TMCO4: variants seen among roughly 807,000 people sequenced by gnomAD.
TMCO4 encodes the protein transmembrane and coiled-coil domain-containing protein 4.
TMCO4 carries 58 observed loss-of-function variants against 64.7 expected under a neutral mutation model. The observed-to-expected ratio is 0.90, with a 90% CI of 0.73 to 1.12. The LOEUF (loss-of-function observed/expected upper bound fraction) is 1.12, where lower values mean the gene tolerates loss of function less well. Ranked by LOEUF, TMCO4 falls within the 50% of genes most tolerant of loss-of-function variation. The probability of loss-of-function intolerance (pLI) is 0.00; values close to 1 mark genes in which losing one functional copy is unlikely to be tolerated. For missense variants in TMCO4, 780 were observed against 825.9 expected (o/e 0.94, Z 0.68); for synonymous variants, 325 against 346.1 (o/e 0.94, Z 0.68).
rs571702318 is a variant in TMCO4, at chr1:19,703,428, T to C, written c.1265-2543A>G. On this transcript the variant is annotated intron_variant, in intron 13 of 15. Coordinates refer to ENST00000294543, the MANE Select transcript of TMCO4 (RefSeq NM_181719.7). ...TGGCACTCTCTTCCTTTCCCTTCCCTTTTTCTTTCCCTTCCCTTCCCTTCC... is the reference window on the plus strand; with the variant it reads ...TGGCACTCTCTTCCTTTCCCTTCCCCTTTTCTTTCCCTTCCCTTCCCTTCC... 2.0e-5 allele frequency among the ~76,000 whole-genome samples: 3 copies of C among 151,478 alleles called. No homozygotes were observed. In the South Asian group the frequency reaches 6.3e-4, roughly 32 times the overall value.
chr1:19,767,289 G>A (rs2042778435), intron 6 of TMCO4, among the ~76,000 whole-genome samples: 2 of 152,202 alleles, frequency 1.3e-5, no homozygotes, highest in South Asian at 4.1e-4. Flanking sequence ...AAATGAAACA[G>A]TGATTGACAA....
intron 6 of TMCO4, among the ~76,000 whole-genome samples, chr1:19,758,821 G>A (rs1305055277): frequency 6.6e-6 from 1 of 152,156 alleles, no homozygotes; most frequent in Non-Finnish European, 1.5e-5. Flanking sequence ...CAGGCCAGGC[G>A]TGGTGGCTCA....
At chr1:19,767,909 T>A (rs1015599453) in intron 6 of TMCO4, among the ~76,000 whole-genome samples, 2 of 151,916 alleles carry the variant, frequency 1.3e-5, no homozygotes, top group Non-Finnish European at 2.9e-5. Flanking sequence ...CTGGCCGACA[T>A]GGTGAAACCC....
rs138329418 is a variant in TMCO4, at chr1:19,698,885, G to C, written c.1382+1883C>G. 7.2e-5 allele frequency among the ~76,000 whole-genome samples: 11 copies of C among 152,310 alleles called. No homozygotes were observed. In the South Asian group the frequency reaches 1.2e-3, roughly 17 times the overall value. On this transcript the variant is annotated intron_variant, in intron 14 of 15. Coordinates refer to ENST00000294543, the MANE Select transcript of TMCO4 (RefSeq NM_181719.7). ...GCAATTTTAATTCTTTCCCTTTGCT[G>C]TTTACAAAAAGTACCAAAAAATCAT...
chr1:19,755,355 AC>A (rs2042200148), intron 7 of TMCO4, among the ~76,000 whole-genome samples: 1 of 152,056 alleles, frequency 6.6e-6, no homozygotes, highest in Admixed American at 6.6e-5. Flanking sequence ...CGAACTCCTG[AC>A]CTCAAGTGAT....
chr1:19,728,662 G>C (rs545698533), intron 13 of TMCO4, among the ~76,000 whole-genome samples: 1 of 152,166 alleles, frequency 6.6e-6, no homozygotes, highest in South Asian at 2.1e-4. Flanking sequence ...GCTGGGAAAC[G>C]TGCTGGGTGC....
chr1:19,691,114 C>T (rs71645464), intron 15 of TMCO4, among the ~76,000 whole-genome samples: 27,134 of 152,050 alleles, frequency 0.18, 2,658 homozygotes, highest in East Asian at 0.26. Flanking sequence ...GTGATCTGCC[C>T]GCCTTGGCCT....
Position 19,735,517 on chromosome 1 carries a change from T to C in TMCO4, c.1264+1855A>G, listed in dbSNP as rs114752423. On this transcript the variant is annotated intron_variant, in intron 13 of 15. Transcript: ENST00000294543. ...TTGGGAACCATCCCCCAAAAGGCTG[T>C]AGTGCAGGAACTTCCCAGTGTCACA... is the stretch of plus-strand genomic sequence containing the variant. 3.4e-3 allele frequency among the ~76,000 whole-genome samples: 516 copies of C among 152,290 alleles called. 1 individual carries two copies. The highest frequency in any genetic ancestry group is 0.012 in the African/African-American group (486 of 41,564).
chr1:19,779,472 A>T (rs984957831), intron 4 of TMCO4, among the ~76,000 whole-genome samples: 1 of 152,220 alleles, frequency 6.6e-6, no homozygotes, highest in Non-Finnish European at 1.5e-5. Context: ...TTTAAGGTCA[A>T]AGCCCATGCT....
intron 15 of TMCO4, among the ~76,000 whole-genome samples, chr1:19,684,360 A>T (rs887028580): frequency 8.5e-5 from 13 of 152,086 alleles, no homozygotes; most frequent in Middle Eastern, 3.4e-3. Flanking sequence ...TCTTGGCCTC[A>T]AGAAATCCTG....
intron 3 of TMCO4, among the ~76,000 whole-genome samples, chr1:19,783,918 C>T (rs1041255217): frequency 4.6e-5 from 7 of 152,178 alleles, no homozygotes; most frequent in Non-Finnish European, 1.0e-4. Context: ...ATTTCCCTGG[C>T]TCAGAGGGTC....
chr1:19,774,844 A>C (rs536342286), intron 4 of TMCO4, among the ~76,000 whole-genome samples: 8 of 152,234 alleles, frequency 5.3e-5, no homozygotes, highest in African/African-American at 1.9e-4. Context: ...GAGATAAGGA[A>C]TCCTAGATCC....
At chr1:19,787,795 G>A (rs989014660) in intron 2 of TMCO4, among the ~76,000 whole-genome samples, 4 of 151,844 alleles carry the variant, frequency 2.6e-5, no homozygotes, top group South Asian at 2.1e-4. Flanking sequence ...TTGCTCTGTC[G>A]CCCAGGCTGG....
intron 6 of TMCO4, among the ~76,000 whole-genome samples, chr1:19,756,780 G>T (rs748711037): frequency 6.6e-6 from 1 of 151,930 alleles, no homozygotes; most frequent in Admixed American, 6.6e-5. Flanking sequence ...TCACTTGAGC[G>T]CAGGAGCTCG....
intron 15 of TMCO4, among the ~76,000 whole-genome samples, chr1:19,691,138 G>A (rs1282999527): frequency 6.6e-6 from 1 of 152,152 alleles, no homozygotes; most frequent in East Asian, 1.9e-4. Flanking sequence ...AAAGTGCTGG[G>A]ATTACAGGCG....
At chr1:19,728,123 G>A (rs1198544770) in intron 13 of TMCO4, among the ~76,000 whole-genome samples, 1 of 152,142 alleles carries the variant, frequency 6.6e-6, no homozygotes, top group East Asian at 1.9e-4. Context: ...GTAGCTGGGT[G>A]ATAAAATAAT....
intron 13 of TMCO4, among the ~76,000 whole-genome samples, chr1:19,717,399 G>A (rs974900632): frequency 6.6e-5 from 10 of 151,656 alleles, no homozygotes; most frequent in South Asian, 2.1e-4. Flanking sequence ...ATGTCATGGC[G>A]TAGGTCACAG....
At position 19,693,164 on chromosome 1, in the gene TMCO4, C is replaced by CACAAAAAAA. The variant is rs746759726; in HGVS notation, c.1500+1269_1500+1270insTTTTTTTGT. On this transcript the variant is annotated intron_variant, in intron 15 of 15. Coordinates refer to ENST00000294543, the MANE Select transcript of TMCO4 (RefSeq NM_181719.7). ...CTCCAGCCTGAGCGAGACCCCATCT[C>CACAAAAAAA]AAAAAAAAAAAAAAAAAAAAAAAAA... Among the ~76,000 whole-genome samples the CACAAAAAAA allele has an allele frequency of 2.0e-4, 4 of 19,956 alleles. 2 individuals carry two copies. Among genetic ancestry groups the CACAAAAAAA allele is most frequent in the Non-Finnish European group, 2.2e-4 (2 of 9,050 alleles). The allele number at this position is 19,956 out of a possible 152,430, so 13.1% of individuals were successfully genotyped here. A position where few individuals can be genotyped will look rare whatever the true frequency, so the allele number is the denominator to read the frequency against.
At chr1:19,750,286 G>A (rs147126084) in intron 7 of TMCO4, 2 of 152,254 alleles carry the variant, frequency 1.3e-5, no homozygotes, top group African/African-American at 4.8e-5. Context: ...AGTCACTGAC[G>A]ATATACGACG....
Sources: gnomAD v4.1 joint callset for allele counts (sites outside exome capture counted in the v4.1 genomes callset) on GRCh38, gnomAD v4.1.1 for gene constraint, MANE v1.5 for transcripts, NCBI Gene and HGNC (gene_info 2026-07-23, HGNC 2026-07-21) for gene names.